SH3RF3: variants seen among roughly 807,000 people sequenced by gnomAD.
SH3RF3 encodes the protein E3 ubiquitin-protein ligase SH3RF3.
In SH3RF3, 29 loss-of-function variants were observed where a neutral mutation model predicts 66.3. That is an observed-to-expected ratio of 0.44 (90% CI 0.33 to 0.60). The LOEUF (loss-of-function observed/expected upper bound fraction) is 0.60. Among genes scored for constraint, SH3RF3 ranks in the 20% least tolerant of loss-of-function variants. The pLI is 0.04. For missense variants in SH3RF3, 1,194 were observed against 1,190.9 expected, an observed-to-expected ratio of 1.00 and a Z score of -0.04; for synonymous variants, 583 against 532.0, an observed-to-expected ratio of 1.10 and a Z score of -1.32.
intron 3 of SH3RF3, among the ~76,000 whole-genome samples, chr2:109,375,903 G>T (rs938608674): frequency 2.6e-5 from 4 of 152,226 alleles, no homozygotes; most frequent in African/African-American, 9.6e-5. Flanking sequence ...AGCAGACCTG[G>T]CTGGGCCCAG....
At chr2:109,237,418 TGGA>T (rs1366584189) in intron 1 of SH3RF3, among the ~76,000 whole-genome samples, 1 of 152,174 alleles carries the variant, frequency 6.6e-6, no homozygotes, top group African/African-American at 2.4e-5. Context: ...AACAAGTCTA[TGGA>T]GAAGGTTGGT....
At chr2:109,191,292 A>C (rs559573491) in intron 1 of SH3RF3, among the ~76,000 whole-genome samples, 1 of 152,288 alleles carries the variant, frequency 6.6e-6, no homozygotes, top group East Asian at 1.9e-4. Flanking sequence ...TTGCAAATGG[A>C]AAGTAAGTGT....
intron 1 of SH3RF3, among the ~76,000 whole-genome samples, chr2:109,131,300 T>G (rs955462551): frequency 2.0e-5 from 3 of 152,142 alleles, no homozygotes; most frequent in Non-Finnish European, 4.4e-5. Flanking sequence ...GGATAGTCAC[T>G]GGGGGTCACT....
chr2:109,298,771 G>A (rs368302287), intron 1 of SH3RF3, among the ~76,000 whole-genome samples: 166 of 152,238 alleles, frequency 1.1e-3, no homozygotes, highest in African/African-American at 3.8e-3. Flanking sequence ...TTCCACCCCT[G>A]GTCTGGTCCC....
intron 8 of SH3RF3, among the ~76,000 whole-genome samples, chr2:109,486,087 T>G (rs1247741909): frequency 6.6e-6 from 1 of 152,224 alleles, no homozygotes; most frequent in African/African-American, 2.4e-5. Context: ...ACTGAGTAGG[T>G]GTTAGTAACC....
intron 6 of SH3RF3, among the ~76,000 whole-genome samples, chr2:109,433,440 G>T (rs1273263828): frequency 6.6e-6 from 1 of 152,142 alleles, no homozygotes; most frequent in Non-Finnish European, 1.5e-5. Context: ...GGAATTTTTC[G>T]CTGAGATGAG....
chr2:109,287,247 G>A (rs997451728), intron 1 of SH3RF3, among the ~76,000 whole-genome samples: 1 of 152,124 alleles, frequency 6.6e-6, no homozygotes, highest in Non-Finnish European at 1.5e-5. Flanking sequence ...CTAGCGAATG[G>A]CCCCTTGGTC....
At chr2:109,138,243 G>A (rs1247353239) in intron 1 of SH3RF3, among the ~76,000 whole-genome samples, 1 of 152,160 alleles carries the variant, frequency 6.6e-6, no homozygotes, top group Non-Finnish European at 1.5e-5. Context: ...TGGCCAGGCT[G>A]GCCTCGAACT....
chr2:109,475,531 G>A (rs912391027), intron 8 of SH3RF3, among the ~76,000 whole-genome samples: 1 of 152,244 alleles, frequency 6.6e-6, no homozygotes, highest in Admixed American at 6.5e-5. Flanking sequence ...ACAGTTGGCT[G>A]TGGGTGGGGA....
intron 1 of SH3RF3, among the ~76,000 whole-genome samples, chr2:109,189,669 C>T (rs1678293890): frequency 6.6e-6 from 1 of 152,220 alleles, no homozygotes; most frequent in Non-Finnish European, 1.5e-5. Flanking sequence ...TACCCCCTAT[C>T]AATTTAATGT....
At position 109,129,563 on chromosome 2, in the gene SH3RF3, T is replaced by C. The variant is rs1024902378; in HGVS notation, c.23T>C (p.Leu8Pro). MLLGASW[L>P]CASKAAAAAA... ...CCCATGCTGCTCGGAGCGTCCTGGC[T>C]GTGCGCATCCAAGGCGGCCGCCGCT... The change falls in exon 1 of 10, where the codon CTG becomes CCG. Residue 8 changes from leucine to proline, a missense_variant. By Grantham distance (98) the Leu-to-Pro change is moderately conservative (BLOSUM62 -3). Transcript: ENST00000309415. 1.3e-6 allele frequency: 2 copies of C among 1,490,264 alleles called. No homozygotes were observed. The highest frequency in any genetic ancestry group is 1.8e-6 in the Non-Finnish European group (2 of 1,128,136). The allele number at this position is 1,490,264 out of a possible 1,614,324, so 92.3% of individuals were successfully genotyped here. A position where few individuals can be genotyped will look rare whatever the true frequency, so the allele number is the denominator to read the frequency against.
At chr2:109,327,662 C>G (rs1316786883) in intron 1 of SH3RF3, among the ~76,000 whole-genome samples, 17 of 152,202 alleles carry the variant, frequency 1.1e-4, no homozygotes, top group Admixed American at 1.1e-3. Flanking sequence ...AGTAAAATTG[C>G]ATAATATCCT....
rs1284077338 is a variant in SH3RF3, at chr2:109,308,617, G to T, written c.574-39057G>T. On this transcript the variant is annotated intron_variant, in intron 1 of 9. Coordinates refer to ENST00000309415, the MANE Select transcript of SH3RF3 (RefSeq NM_001099289.3). ...ATTTTTGTATAAGGTGTAAGGAAGG[G>T]ATCCAGTTTCAGCTTTCTACATATG... Among the ~76,000 whole-genome samples, 8 of 52,870 alleles carry T rather than the reference G, an allele frequency of 1.5e-4. 2 individuals carry two copies. The highest frequency in any genetic ancestry group is 3.6e-4 in the African/African-American group (2 of 5,498). The allele number at this position is 52,870 out of a possible 152,430, so 34.7% of individuals were successfully genotyped here.
At chr2:109,285,638 T>G (rs575410360) in intron 1 of SH3RF3, among the ~76,000 whole-genome samples, 17 of 152,196 alleles carry the variant, frequency 1.1e-4, no homozygotes, top group Non-Finnish European at 2.4e-4. Context: ...TAACCTGTCA[T>G]CTGTGTCAGT....
intron 4 of SH3RF3, among the ~76,000 whole-genome samples, chr2:109,404,227 A>G (rs142096635): frequency 1.3e-5 from 2 of 152,270 alleles, no homozygotes; most frequent in Non-Finnish European, 2.9e-5. Flanking sequence ...ACAGCCTGAA[A>G]TATCCACTGT....
intron 1 of SH3RF3, among the ~76,000 whole-genome samples, chr2:109,337,124 T>C (rs1682440225): frequency 6.6e-6 from 1 of 152,252 alleles, no homozygotes; most frequent in Non-Finnish European, 1.5e-5. Context: ...TTTTGTGTTA[T>C]GTATCTTAAA....
intron 1 of SH3RF3, among the ~76,000 whole-genome samples, chr2:109,170,207 TTCTC>T (rs1009059601): frequency 7.2e-5 from 11 of 151,774 alleles, no homozygotes; most frequent in East Asian, 3.9e-4. Context: ...GATGTTTTCT[TTCTC>T]TCTCTTTTTT....
intron 1 of SH3RF3, among the ~76,000 whole-genome samples, chr2:109,158,697 A>G (rs1677412745): frequency 1.3e-5 from 2 of 152,262 alleles, no homozygotes; most frequent in South Asian, 4.1e-4. Context: ...TCTGAGAATC[A>G]GATGTAATTA....
chr2:109,230,811 C>T (rs1679489092), intron 1 of SH3RF3, among the ~76,000 whole-genome samples: 1 of 152,146 alleles, frequency 6.6e-6, no homozygotes, highest in Non-Finnish European at 1.5e-5. Context: ...GTGTTTGTTT[C>T]TAGAGAAGAT....
Sources: allele counts gnomAD v4.1 joint callset (sites outside exome capture counted in the v4.1 genomes callset), GRCh38; gene constraint gnomAD v4.1.1; transcripts MANE v1.5; gene names NCBI Gene and HGNC (gene_info 2026-07-23, HGNC 2026-07-21).